Variants in PIP5K1B observed in about 807,000 individuals in gnomAD.
The protein encoded by PIP5K1B is phosphatidylinositol 4-phosphate 5-kinase type-1 beta.
Under a neutral mutation model 67.0 loss-of-function variants are expected in PIP5K1B, and 42 were observed. The observed-to-expected ratio is 0.63, with a 90% CI of 0.49 to 0.81. The LOEUF (loss-of-function observed/expected upper bound fraction) is 0.81, where lower values mean the gene tolerates loss of function less well. Among genes scored for constraint, PIP5K1B ranks in the 30% least tolerant of loss-of-function variants. PIP5K1B has a pLI of 0.00. For synonymous variants in PIP5K1B, 214 were observed against 231.4 expected (o/e 0.92, Z 0.68); for missense variants, 459 against 646.3 (o/e 0.71, Z 3.14).
At chr9:68,991,807 G>T (rs1222872130) in intron 15 of PIP5K1B, among the ~76,000 whole-genome samples, 1 of 152,188 alleles carries the variant, frequency 6.6e-6, no homozygotes, top group Non-Finnish European at 1.5e-5. Flanking sequence ...TGAGGATCAT[G>T]AGTGACCCTT....
At chr9:68,920,784 T>TCTCTCTCACACACACACACACA (rs879785029) in intron 11 of PIP5K1B, among the ~76,000 whole-genome samples, 1 of 142,134 alleles carries the variant, frequency 7.0e-6, no homozygotes, top group African/African-American at 2.8e-5. Flanking sequence ...TCTCTCTCTC[T>TCTCTCTCACACACACACACACA]CACACACATA....
intron 2 of PIP5K1B, among the ~76,000 whole-genome samples, chr9:68,817,972 T>G (rs1833540154): frequency 6.6e-6 from 1 of 152,220 alleles, no homozygotes; most frequent in Non-Finnish European, 1.5e-5. Context: ...TTCTTTGAAG[T>G]TGTGTCATCT....
intron 4 of PIP5K1B, among the ~76,000 whole-genome samples, chr9:68,845,512 A>C (rs7874714): frequency 6.6e-6 from 1 of 151,938 alleles, no homozygotes; most frequent in Non-Finnish European, 1.5e-5. Flanking sequence ...CTCCGGGAAC[A>C]GGAGAAACAT....
intron 2 of PIP5K1B, among the ~76,000 whole-genome samples, chr9:68,785,299 C>A (rs905138076): frequency 1.3e-5 from 2 of 152,164 alleles, no homozygotes; most frequent in Non-Finnish European, 2.9e-5. Context: ...ACCTTATCAG[C>A]CATGACAAAG....
chr9:68,996,385 G>A (rs1439089383), intron 15 of PIP5K1B, among the ~76,000 whole-genome samples: 1 of 152,166 alleles, frequency 6.6e-6, no homozygotes, highest in Non-Finnish European at 1.5e-5. Context: ...ACACTGTAGA[G>A]TCCCAAGCTA....
At chr9:68,824,822 G>C (rs944856) in intron 4 of PIP5K1B, among the ~76,000 whole-genome samples, 48,713 of 151,986 alleles carry the variant, frequency 0.32, 7,906 homozygotes, top group East Asian at 0.39. Context: ...GGTGGACTTA[G>C]GAGTTAGCTA....
At chr9:68,744,678 C>T (rs1413067461) in intron 2 of PIP5K1B, among the ~76,000 whole-genome samples, 1 of 152,102 alleles carries the variant, frequency 6.6e-6, no homozygotes, top group African/African-American at 2.4e-5. Flanking sequence ...TTTTACTAGG[C>T]AGGCGGTATC....
intron 2 of PIP5K1B, among the ~76,000 whole-genome samples, chr9:68,744,740 G>A (rs757622761): frequency 6.6e-6 from 1 of 152,134 alleles, no homozygotes; most frequent in African/African-American, 2.4e-5. Flanking sequence ...TCTTTCTCTT[G>A]TGGGGCCCTT....
intron 8 of PIP5K1B, among the ~76,000 whole-genome samples, chr9:68,901,539 G>C (rs1341610113): frequency 6.6e-6 from 1 of 152,332 alleles, no homozygotes; most frequent in South Asian, 2.1e-4. Context: ...GATTACAGGT[G>C]TGAAGCACCA....
chr9:68,824,170 A>G (rs755673129), intron 4 of PIP5K1B: 2 of 519,038 alleles, frequency 3.9e-6, no homozygotes, highest in South Asian at 2.8e-5. Context: ...GGACCAACAC[A>G]GAGATGATTA....
intron 4 of PIP5K1B, among the ~76,000 whole-genome samples, chr9:68,829,936 G>C (rs1325826021): frequency 6.6e-6 from 1 of 152,146 alleles, no homozygotes; most frequent in Non-Finnish European, 1.5e-5. Flanking sequence ...GATTCCCGGG[G>C]AGAAGGGTTA....
intron 4 of PIP5K1B, among the ~76,000 whole-genome samples, chr9:68,856,737 A>G (rs1587565984): frequency 6.6e-6 from 1 of 152,230 alleles, no homozygotes; most frequent in African/African-American, 2.4e-5. Context: ...GGCAGAATGA[A>G]CAGCCTCTGA....
chr9:68,872,164 C>T (rs1258103986), intron 5 of PIP5K1B, among the ~76,000 whole-genome samples: 3 of 152,228 alleles, frequency 2.0e-5, no homozygotes, highest in Admixed American at 6.5e-5. Context: ...GGTACCTGTG[C>T]TGTGGAGATT....
intron 2 of PIP5K1B, among the ~76,000 whole-genome samples, chr9:68,743,201 C>T (rs545346729): frequency 6.6e-6 from 1 of 151,816 alleles, no homozygotes; most frequent in South Asian, 2.1e-4. Context: ...AGCCCAAATA[C>T]CAAAACTTTT....
chr9:68,727,402 T>C (rs911046420), intron 1 of PIP5K1B, among the ~76,000 whole-genome samples: 2 of 152,166 alleles, frequency 1.3e-5, no homozygotes, highest in African/African-American at 4.8e-5. Flanking sequence ...TATTGGCATA[T>C]TGGTAATTAG....
chr9:68,895,347 A>G (rs1825029545), intron 8 of PIP5K1B, among the ~76,000 whole-genome samples: 1 of 152,172 alleles, frequency 6.6e-6, no homozygotes. Flanking sequence ...AGAGAAAAGA[A>G]AAATGCAGTG....
rs71353095 is a variant in PIP5K1B, at chr9:68,953,805, TAAA to T, written c.1502+13038_1502+13040del. Among the ~76,000 whole-genome samples, 209 of 108,584 alleles carry T rather than the reference TAAA, an allele frequency of 1.9e-3. 1 individual carries two copies. Among genetic ancestry groups the T allele is most frequent in the African/African-American group, 6.1e-3 (178 of 29,110 alleles). The allele number at this position is 108,584 out of a possible 152,430, so 71.2% of individuals were successfully genotyped here. ...TGGGCAACAGAGCAAGACTCTGTCT[TAAA>T]AAAAAAAAAAAAAAAAAAAAAATCC... On this transcript the variant is annotated intron_variant, in intron 14 of 15. Transcript: ENST00000265382.
chr9:68,956,448 G>A (rs1354683951), intron 14 of PIP5K1B, among the ~76,000 whole-genome samples: 3 of 152,144 alleles, frequency 2.0e-5, no homozygotes, highest in African/African-American at 2.4e-5. Flanking sequence ...CAGCCTGGGC[G>A]ACTGAGGAGA....
At chr9:68,850,603 G>A (rs1015872551) in intron 4 of PIP5K1B, among the ~76,000 whole-genome samples, 1 of 152,170 alleles carries the variant, frequency 6.6e-6, no homozygotes, top group Non-Finnish European at 1.5e-5. Flanking sequence ...TCCGCTATAA[G>A]CATTGTGTTA....
Sources: allele counts gnomAD v4.1 joint callset (sites outside exome capture counted in the v4.1 genomes callset), GRCh38; gene constraint gnomAD v4.1.1; transcripts MANE v1.5; gene names NCBI Gene and HGNC (gene_info 2026-07-23, HGNC 2026-07-21).